Variants in JMJD1C observed in about 807,000 individuals in gnomAD.
JMJD1C encodes jumonji domain containing 1C, also known as jumonji domain-containing protein 1C.
A neutral mutation model predicts 245.3 loss-of-function variants in JMJD1C; 31 were observed. The ratio of observed to expected loss-of-function variants is 0.13; its 90% CI spans 0.09 to 0.17. The LOEUF (loss-of-function observed/expected upper bound fraction) is 0.17, where lower values mean the gene tolerates loss of function less well. JMJD1C is among the 10% of genes least tolerant of loss of function. The pLI is 1.00. For missense variants in JMJD1C, 2,691 were observed against 3,000.2 expected, an observed-to-expected ratio of 0.90 and a Z score of 2.41; for synonymous variants, 1,057 against 1,017.4, an observed-to-expected ratio of 1.04 and a Z score of -0.74.
chr10:63,289,989 G>A (rs1487216190), intron 2 of JMJD1C, among the ~76,000 whole-genome samples: 1 of 151,862 alleles, frequency 6.6e-6, no homozygotes, highest in African/African-American at 2.4e-5. Flanking sequence ...ATTAATGAAA[G>A]GTGAACAAAA....
chr10:63,270,881 T>C (rs762677284), intron 2 of JMJD1C, among the ~76,000 whole-genome samples: 3 of 152,200 alleles, frequency 2.0e-5, no homozygotes, highest in Admixed American at 2.0e-4. Flanking sequence ...TGTGGCTCTA[T>C]GTAAAACATC....
chr10:63,437,109 C>T (rs1016347263), intron 1 of JMJD1C, among the ~76,000 whole-genome samples: 43 of 152,176 alleles, frequency 2.8e-4, no homozygotes, highest in African/African-American at 9.7e-4. Context: ...TTAAATCCAA[C>T]TCTCCACCTA....
chr10:63,350,075 AAT>A (rs1944217964), intron 2 of JMJD1C, among the ~76,000 whole-genome samples: 7 of 152,228 alleles, frequency 4.6e-5, no homozygotes, highest in Admixed American at 4.6e-4. Flanking sequence ...ATAAGATTTT[AAT>A]ATATTATTCA....
chr10:63,281,554 T>C (rs1857403914), intron 2 of JMJD1C, among the ~76,000 whole-genome samples: 1 of 140,544 alleles, frequency 7.1e-6, no homozygotes, highest in Admixed American at 7.8e-5. Context: ...CACTGCGACC[T>C]CTGCCTCCCG....
chr10:63,374,952 T>C (rs1473835748), intron 2 of JMJD1C, among the ~76,000 whole-genome samples: 1 of 152,214 alleles, frequency 6.6e-6, no homozygotes, highest in Non-Finnish European at 1.5e-5. Context: ...TATAAGATTA[T>C]ATCATCTGTG....
At chr10:63,365,658 TC>T (rs1267007022) in intron 2 of JMJD1C, among the ~76,000 whole-genome samples, 4 of 152,218 alleles carry the variant, frequency 2.6e-5, no homozygotes, top group African/African-American at 9.6e-5. Context: ...ATTTTCACTC[TC>T]AGTTGTGCTA....
At position 63,207,640 on chromosome 10, in the gene JMJD1C, G is replaced by C; in HGVS notation, c.4029C>G (p.Leu1343=). 1 of 1,614,054 alleles carries C rather than the reference G, an allele frequency of 6.2e-7. No individual in the cohort carries two copies. ...CAGTTTCTCCGGCTTCTGCTAGTTT[G>C]AGGCAATCTGTTTTATGTGCCCCAG... The part of the protein sequence containing the change: ...SSAGAHKTDC[L]KLAEAGETGR... The change falls in exon 10 of 26, where the codon CTC becomes CTG. Residue 1343 remains leucine (L), a synonymous_variant. Coordinates refer to ENST00000399262, the MANE Select transcript of JMJD1C (RefSeq NM_032776.3).
Position 63,302,296 on chromosome 10 carries a change from C to T in JMJD1C, c.334-37532G>A, listed in dbSNP as rs551061832. Among the ~76,000 whole-genome samples, 6 of 152,162 alleles carry T rather than the reference C, an allele frequency of 3.9e-5. No homozygotes were observed. The South Asian group carries it at 8.3e-4, about 21-fold the overall frequency. ...TGCATGTAGACTGGACAATAAGTTA[C>T]GAGAAGAAAAATGCCTGAGTAAATG... On this transcript the variant is annotated intron_variant, in intron 2 of 25. Transcript: ENST00000399262.
At chr10:63,228,305 A>AT (rs1275116004) in intron 3 of JMJD1C, among the ~76,000 whole-genome samples, 1 of 152,220 alleles carries the variant, frequency 6.6e-6, no homozygotes, top group Non-Finnish European at 1.5e-5. Flanking sequence ...ATTTCATAGA[A>AT]TGTTTAGGTG....
At chr10:63,268,529 A>C (rs1465383994) in intron 2 of JMJD1C, 1 of 180,526 alleles carries the variant, frequency 5.5e-6, no homozygotes, top group Admixed American at 6.5e-5. Context: ...ATGAAAGTTA[A>C]AAATTCTTAA....
At chr10:63,513,810 G>A (rs1483410819) in intron 1 of JMJD1C, among the ~76,000 whole-genome samples, 1 of 152,150 alleles carries the variant, frequency 6.6e-6, no homozygotes, top group Admixed American at 6.5e-5. Context: ...CTTCTCCGGA[G>A]GCTGAGGCAG....
intron 10 of JMJD1C, chr10:63,203,783 T>C (rs1272919755): frequency 3.1e-6 from 3 of 953,476 alleles, no homozygotes; most frequent in Admixed American, 6.2e-5. Flanking sequence ...TGTGTATGTG[T>C]ATATAAAATA....
chr10:63,465,182 T>G, intron 1 of JMJD1C: 3 of 334,758 alleles, frequency 9.0e-6, no homozygotes, highest in Non-Finnish European at 1.1e-5. Flanking sequence ...GGCTCCGCCT[T>G]TCGGGGAGGT....
At chr10:63,363,090 C>T (rs930130428) in intron 2 of JMJD1C, among the ~76,000 whole-genome samples, 1 of 151,988 alleles carries the variant, frequency 6.6e-6, no homozygotes, top group African/African-American at 2.4e-5. Flanking sequence ...TCATTTAATG[C>T]ACTTGTCCTA....
chr10:63,213,861 G>A lies in JMJD1C; in HGVS notation c.2306C>T (p.Ser769Phe). ...TPAPHLLAGSSSQTPLPTINT... is the reference protein window; with the variant it reads ...TPAPHLLAGSFSQTPLPTINT... ...AATGGTAGGTAATGGAGTTTGACTA[G>A]ATGATCCGGCTAGTAAATGGGGTGC... The change falls in exon 8 of 26, where the codon TCT (serine) becomes TTT (phenylalanine). Residue 769 changes from serine (S) to phenylalanine (F), a missense_variant. Physicochemically the swap from Ser to Phe is radical, Grantham distance 155 (BLOSUM62 -2). This residue lies in a region of JMJD1C where 1,562 missense variants were observed against 1,490.7 expected (regional missense o/e 1.05). Transcript: ENST00000399262. 6.2e-7 allele frequency: 1 copy of A among 1,614,122 alleles called. No individual in the cohort carries two copies. Among genetic ancestry groups the A allele is most frequent in the Non-Finnish European group, 8.5e-7 (1 of 1,179,984 alleles).
chr10:63,285,649 A>C (rs1295572703), intron 2 of JMJD1C, among the ~76,000 whole-genome samples: 1 of 152,106 alleles, frequency 6.6e-6, no homozygotes, highest in African/African-American at 2.4e-5. Flanking sequence ...TTCTACAAAA[A>C]ATATAAAAAT....
intron 2 of JMJD1C, among the ~76,000 whole-genome samples, chr10:63,323,390 C>T (rs964549625): frequency 2.8e-4 from 43 of 151,354 alleles, no homozygotes; most frequent in African/African-American, 9.7e-4. Flanking sequence ...CTTGGTGGCA[C>T]GCACCTGGAA....
rs10995461 is a variant in JMJD1C, at chr10:63,204,107, T to C, written c.5074+2488A>G. Reference sequence around the variant, plus strand: ...ATCCACTGCACTCCAGTCTGGGCAATGTAGGGAGACTGTCTCTAAAAAATA... The same window carrying C: ...ATCCACTGCACTCCAGTCTGGGCAACGTAGGGAGACTGTCTCTAAAAAATA... On this transcript the variant is annotated intron_variant, in intron 10 of 25. Coordinates refer to ENST00000399262, the MANE Select transcript of JMJD1C (RefSeq NM_032776.3). The C allele has an allele frequency of 1.9e-3, 1,774 of 930,030 alleles. 2 individuals carry two copies. The highest frequency in any genetic ancestry group is 2.1e-3 in the Non-Finnish European group (1,670 of 779,742). The allele number at this position is 930,030 out of a possible 1,614,324, so 57.6% of individuals were successfully genotyped here.
intron 3 of JMJD1C, among the ~76,000 whole-genome samples, chr10:63,258,630 A>G (rs1854292397): frequency 6.6e-6 from 1 of 152,038 alleles, no homozygotes; most frequent in African/African-American, 2.4e-5. Flanking sequence ...CAACCACCCC[A>G]CCAACCCCAC....
Sources: allele counts gnomAD v4.1 joint callset (sites outside exome capture counted in the v4.1 genomes callset), GRCh38; gene constraint gnomAD v4.1.1; regional missense constraint gnomAD v4.1.1; transcripts MANE v1.5; gene names NCBI Gene and HGNC (gene_info 2026-07-23, HGNC 2026-07-21).